The following PTGER4 variants were observed in gnomAD, a reference collection of about 807,000 sequenced individuals.
The protein encoded by PTGER4 is prostaglandin E2 receptor EP4 subtype.
In PTGER4, 11 loss-of-function variants were observed where a neutral mutation model predicts 33.2. That is an observed-to-expected ratio of 0.33 (90% CI 0.21 to 0.55). The LOEUF is 0.55. Among genes scored for constraint, PTGER4 ranks in the 20% least tolerant of loss-of-function variants. The pLI is 0.92. For synonymous variants in PTGER4, 275 were observed against 281.5 expected, an observed-to-expected ratio of 0.98 and a Z score of 0.23; for missense variants, 481 against 650.2, an observed-to-expected ratio of 0.74 and a Z score of 2.83.
intron 2 of PTGER4, among the ~76,000 whole-genome samples, chr5:40,686,678 G>A (rs2111798986): frequency 6.6e-6 from 1 of 152,218 alleles, no homozygotes; most frequent in Admixed American, 6.5e-5. Context: ...TCAAAGTTAT[G>A]TTCCACTGCT....
chr5:40,720,446 AATGCTT>A, the PTGER4 span, among the ~76,000 whole-genome samples: 2 of 152,224 alleles, frequency 1.3e-5, no homozygotes, highest in Non-Finnish European at 2.9e-5. Context: ...CTTGATTACT[AATGCTT>A]TCATATTTAC....
At chr5:40,723,772 G>A in the PTGER4 span, among the ~76,000 whole-genome samples, 11 of 152,198 alleles carry the variant, frequency 7.2e-5, no homozygotes, top group Admixed American at 3.9e-4. Context: ...GGCTGAGGCA[G>A]GAGAATCACT....
At chr5:40,736,746 TATAAG>T in the PTGER4 span, among the ~76,000 whole-genome samples, 2 of 152,204 alleles carry the variant, frequency 1.3e-5, no homozygotes, top group African/African-American at 4.8e-5. Context: ...TCCAAAATTC[TATAAG>T]ATATGTATCA....
the PTGER4 span, among the ~76,000 whole-genome samples, chr5:40,744,560 T>C: frequency 6.6e-6 from 1 of 150,604 alleles, no homozygotes; most frequent in Admixed American, 6.6e-5. Context: ...TTCTTTTAAA[T>C]TCTCAAACTC....
chr5:40,715,988 T>C, the PTGER4 span: 8 of 590,234 alleles, frequency 1.4e-5, no homozygotes, highest in Non-Finnish European at 1.2e-5. Flanking sequence ...CCAAACACTA[T>C]ACAATAATCC....
intron 2 of PTGER4, among the ~76,000 whole-genome samples, chr5:40,686,733 C>T (rs1741332124): frequency 6.6e-6 from 1 of 152,080 alleles, no homozygotes; most frequent in African/African-American, 2.4e-5. Flanking sequence ...GTGTGAATAA[C>T]ATAATTTAAA....
At chr5:40,708,080 G>A in the PTGER4 span, among the ~76,000 whole-genome samples, 3 of 152,050 alleles carry the variant, frequency 2.0e-5, no homozygotes, top group South Asian at 4.2e-4. Flanking sequence ...GAGAAAGCAG[G>A]AAAGATCTAA....
Position 40,680,695 on chromosome 5 carries a change from G to T in PTGER4, c.-44+217G>T, listed in dbSNP as rs1013967376. ...CTTATTCATCTTGGCAATGGAGTGA[G>T]TTGGATTGTGGGGAGGAAGAGGAAT... On this transcript the variant is annotated intron_variant, in intron 1 of 2. Transcript: ENST00000302472. The surrounding 1 kb of genome is among the most constrained non-coding windows in gnomAD (Gnocchi z 5.5). 2.6e-5 allele frequency among the ~76,000 whole-genome samples: 4 copies of T among 152,228 alleles called. No homozygotes were observed. The highest frequency in any genetic ancestry group is 5.9e-5 in the Non-Finnish European group (4 of 68,046).
rs574887539 is a variant in PTGER4, at chr5:40,692,990, C to T, written c.*612C>T. On this transcript the variant is annotated 3_prime_UTR_variant, in exon 3 of 3. Transcript: ENST00000302472. Reference sequence around the variant, plus strand: ...CAAGTTCGAGTCAAAGTTGAAAATTCATAGTAAGATTGATATCTATAAAAT... The same window carrying T: ...CAAGTTCGAGTCAAAGTTGAAAATTTATAGTAAGATTGATATCTATAAAAT... 1 of 927,406 alleles carries T rather than the reference C, an allele frequency of 1.1e-6. No individual in the cohort carries two copies. Among genetic ancestry groups the T allele is most frequent in the East Asian group, 1.2e-4 (1 of 8,500 alleles). 57.4% of individuals were successfully genotyped at this position (927,406 alleles called of 1,614,324 possible). A position where few individuals can be genotyped will look rare whatever the true frequency, so the allele number is the denominator to read the frequency against.
intron 2 of PTGER4, among the ~76,000 whole-genome samples, chr5:40,687,069 G>A (rs371042038): frequency 8.6e-5 from 13 of 151,934 alleles, no homozygotes; most frequent in South Asian, 4.2e-4. Context: ...GTTTTGAGAC[G>A]GAGTTTCACT....
At chr5:40,733,491 A>T in the PTGER4 span, among the ~76,000 whole-genome samples, 1 of 152,158 alleles carries the variant, frequency 6.6e-6, no homozygotes, top group African/African-American at 2.4e-5. Flanking sequence ...CCAACCCTAG[A>T]TCTACTTGGC....
chr5:40,704,512 G>A, the PTGER4 span, among the ~76,000 whole-genome samples: 1 of 152,088 alleles, frequency 6.6e-6, no homozygotes, highest in African/African-American at 2.4e-5. Flanking sequence ...AAGAAATAAA[G>A]GGCATCCAAA....
Position 40,681,688 on chromosome 5 carries a change from C to T in PTGER4, c.695C>T (p.Ala232Val), listed in dbSNP as rs1741195327. The T allele has an allele frequency of 2.5e-6, 4 of 1,571,180 alleles. No individual in the cohort carries two copies. The African/African-American group carries it at 4.1e-5, about 16-fold the overall frequency. The change falls in exon 2 of 3, where the codon GCG becomes GTG. Residue 232 changes from alanine (A) to valine (V), a missense_variant. By Grantham distance (64) the Ala-to-Val change is moderately conservative (BLOSUM62 0). Around this residue, in one of 7 missense-constraint regions of PTGER4, gnomAD observed 174 missense variants for 210.5 expected, o/e 0.83. Transcript: ENST00000302472. This position sits in a 1 kb window ranked among gnomAD's most constrained non-coding sequence, Gnocchi z 9.8. ...GGCACCGAGCAGCACCACGCGGCCG[C>T]GGCCGCCTCGGTTGCCTCCCGGGGC... Reference protein sequence around the residue: ...SLGTEQHHAAAAASVASRGHP... With the variant: ...SLGTEQHHAAVAASVASRGHP...
At chr5:40,724,942 T>A in the PTGER4 span, among the ~76,000 whole-genome samples, 2 of 150,306 alleles carry the variant, frequency 1.3e-5, no homozygotes, top group Non-Finnish European at 3.0e-5. Context: ...AACCTCCACC[T>A]GCCAGGTTCA....
chr5:40,714,034 C>G, the PTGER4 span, among the ~76,000 whole-genome samples: 14 of 152,070 alleles, frequency 9.2e-5, no homozygotes, highest in Admixed American at 2.6e-4. Context: ...TGTCTTATAT[C>G]TGGGTAAGAA....
At position 40,685,887 on chromosome 5, in the gene PTGER4, C is replaced by T. The variant is rs539207671; in HGVS notation, c.867+4027C>T. Among the ~76,000 whole-genome samples, 4 of 152,112 alleles carry T rather than the reference C, an allele frequency of 2.6e-5. No homozygotes were observed. In the East Asian group the frequency reaches 5.8e-4, roughly 22 times the overall value. ...ACAAGATTTTTTTTCTCAGCCCTGA[C>T]GTGATTCTTGTAGTCTCCTATCAGA... On this transcript the variant is annotated intron_variant, in intron 2 of 2. Transcript: ENST00000302472.
At chr5:40,730,210 A>C in the PTGER4 span, 1 of 1,439,166 alleles carries the variant, frequency 6.9e-7, no homozygotes, top group East Asian at 2.3e-5. Flanking sequence ...TCACTCACCG[A>C]ACAAACATAG....
chr5:40,726,385 T>C, the PTGER4 span, among the ~76,000 whole-genome samples: 1 of 151,824 alleles, frequency 6.6e-6, no homozygotes, highest in East Asian at 1.9e-4. Flanking sequence ...ATAGTAAGAA[T>C]TGTTAGATAT....
the PTGER4 span, among the ~76,000 whole-genome samples, chr5:40,700,478 A>G: frequency 1.3e-5 from 2 of 152,322 alleles, no homozygotes; most frequent in South Asian, 4.1e-4. Context: ...AGTCGACCCA[A>G]GGAGAGGAGG....
Sources: gnomAD v4.1 joint callset for allele counts (sites outside exome capture counted in the v4.1 genomes callset) on GRCh38, gnomAD v4.1.1 for gene constraint, gnomAD v4.1.1 regional missense constraint, Gnocchi (gnomAD v3.1) non-coding constraint, MANE v1.5 for transcripts, NCBI Gene and HGNC (gene_info 2026-07-23, HGNC 2026-07-21) for gene names.